Variants in PPP4R1 observed in about 807,000 individuals in gnomAD.
PPP4R1 encodes protein phosphatase 4 regulatory subunit 1, also known as serine/threonine-protein phosphatase 4 regulatory subunit 1.
A neutral mutation model predicts 111.2 loss-of-function variants in PPP4R1; 42 were observed. The ratio of observed to expected loss-of-function variants is 0.38; its 90% CI spans 0.29 to 0.49. PPP4R1 has a LOEUF of 0.49. PPP4R1 is among the 20% of genes least tolerant of loss of function. The probability of loss-of-function intolerance (pLI) is 0.97; values close to 1 mark genes in which losing one functional copy is unlikely to be tolerated. For missense variants in PPP4R1, 1,012 were observed against 1,161.6 expected, an observed-to-expected ratio of 0.87 and a Z score of 1.87; for synonymous variants, 409 against 405.5, an observed-to-expected ratio of 1.01 and a Z score of -0.10.
In PPP4R1 at chr18:9,559,439, T is replaced by C. The variant is rs1472276817; in HGVS notation, c.2008A>G (p.Thr670Ala). Residue 670 changes from threonine (T) to alanine (A), a missense_variant, in exon 14 of 20, where the codon ACT (threonine) becomes GCT (alanine). Coordinates refer to ENST00000400556, the MANE Select transcript of PPP4R1 (RefSeq NM_001042388.3). Reference sequence around the variant, plus strand: ...CTCACCTGCATGTCTGAGGCCAGAGTCTCATACGTCTCTCTCAGGCAGTGC... The same window carrying C: ...CTCACCTGCATGTCTGAGGCCAGAGCCTCATACGTCTCTCTCAGGCAGTGC... ...NWHCLRETYE[T>A]LASDMQWKVR... 6.2e-7 allele frequency: 1 copy of C among 1,611,876 alleles called. No homozygotes were observed. The highest frequency in any genetic ancestry group is 8.5e-7 in the Non-Finnish European group (1 of 1,178,864).
chr18:9,578,551 C>CT lies in PPP4R1; in HGVS notation c.919-1361dup, dbSNP rs1238751136. ...ACTGCTCCTGGCTAGCATTTCTTTT[C>CT]TTTAAAAAAAAAAAAAAAGCATAAT... On this transcript the variant is annotated intron_variant, in intron 9 of 19. Coordinates refer to ENST00000400556, the MANE Select transcript of PPP4R1 (RefSeq NM_001042388.3). 9.9e-5 allele frequency among the ~76,000 whole-genome samples: 14 copies of CT among 141,670 alleles called. No individual in the cohort carries two copies. In the East Asian group the frequency reaches 2.8e-3, roughly 29 times the overall value. The allele number at this position is 141,670 out of a possible 152,430, so 92.9% of individuals were successfully genotyped here. A position where few individuals can be genotyped will look rare whatever the true frequency, so the allele number is the denominator to read the frequency against.
At chr18:9,579,517 C>CGT (rs3974278) in intron 9 of PPP4R1, among the ~76,000 whole-genome samples, 36,910 of 147,576 alleles carry the variant, frequency 0.25, 5,212 homozygotes, top group East Asian at 0.43. Flanking sequence ...AGGATTTACA[C>CGT]GTGTGTGTGT....
At chr18:9,590,547 C>T (rs1247403908) in intron 4 of PPP4R1, among the ~76,000 whole-genome samples, 1 of 152,138 alleles carries the variant, frequency 6.6e-6, no homozygotes, top group Non-Finnish European at 1.5e-5. Flanking sequence ...TTCTTCAAAG[C>T]CCCGCTTAGG....
In PPP4R1 at chr18:9,602,418, C is replaced by T. The variant is rs112388443; in HGVS notation, c.53-7265G>A. Among the ~76,000 whole-genome samples the T allele has an allele frequency of 2.0e-4, 29 of 146,396 alleles. No individual in the cohort carries two copies. In the South Asian group the frequency reaches 3.0e-3, roughly 15 times the overall value. ...AAAATTAGCCGGGCGTGGTGGCGGG[C>T]GCCTGTAGTCCCAGCTACTTGGGAG... On this transcript the variant is annotated intron_variant, in intron 2 of 19. Transcript: ENST00000400556.
At chr18:9,557,768 T>C (rs1197749897) in intron 14 of PPP4R1, among the ~76,000 whole-genome samples, 2 of 151,170 alleles carry the variant, frequency 1.3e-5, no homozygotes, top group Non-Finnish European at 2.9e-5. Flanking sequence ...GTACTGAGGC[T>C]GCACATGGCT....
intron 2 of PPP4R1, among the ~76,000 whole-genome samples, chr18:9,604,849 T>C (rs2067451821): frequency 6.6e-6 from 1 of 152,196 alleles, no homozygotes; most frequent in Admixed American, 6.5e-5. Flanking sequence ...TGGAGGCACA[T>C]TCATTAATAT....
intron 15 of PPP4R1, among the ~76,000 whole-genome samples, chr18:9,555,287 G>A (rs2066553505): frequency 6.6e-6 from 1 of 152,058 alleles, no homozygotes; most frequent in Non-Finnish European, 1.5e-5. Context: ...GGGCAACAGA[G>A]TGAGACCCTG....
In PPP4R1 at chr18:9,553,337, C is replaced by T; in HGVS notation, c.2276G>A (p.Arg759Gln). 6.3e-7 allele frequency: 1 copy of T among 1,592,064 alleles called. No individual in the cohort carries two copies. The highest frequency in any genetic ancestry group is 8.6e-7 in the Non-Finnish European group (1 of 1,160,556). Reference protein sequence around the residue: ...VTDNSRNWRFRAELAEQLILL... With the variant: ...VTDNSRNWRFQAELAEQLILL... ...TAGAACTTACTCAGCCAGTTCAGCTCGAAACCGCCAATTTCTACTATTATC... is the reference window on the plus strand; with the variant it reads ...TAGAACTTACTCAGCCAGTTCAGCTTGAAACCGCCAATTTCTACTATTATC... The change falls in exon 16 of 20, where the codon CGA (arginine) becomes CAA (glutamine). Residue 759 changes from arginine (R) to glutamine (Q), a missense_variant. Physicochemically the swap from Arg to Gln is conservative, Grantham distance 43 (BLOSUM62 1). Transcript: ENST00000400556.
intron 4 of PPP4R1, among the ~76,000 whole-genome samples, chr18:9,592,818 A>G (rs2067234745): frequency 6.6e-6 from 1 of 152,182 alleles, no homozygotes; most frequent in South Asian, 2.1e-4. Flanking sequence ...TATTTAACTT[A>G]AATCAAATTA....
At chr18:9,555,086 T>C (rs545355532) in intron 15 of PPP4R1, among the ~76,000 whole-genome samples, 107 of 152,232 alleles carry the variant, frequency 7.0e-4, no homozygotes, top group African/African-American at 2.6e-3. Flanking sequence ...GCAGATCACT[T>C]GAGCCCAGGA....
chr18:9,557,517 C>G, intron 14 of PPP4R1, 135 bp from the exon 15 acceptor site: 1 of 701,574 alleles, frequency 1.4e-6, no homozygotes, highest in Admixed American at 3.8e-5. Flanking sequence ...CAGATACTAA[C>G]TTTAAATGCC....
rs1372182971 is a variant in PPP4R1, at chr18:9,547,971, T to C, written c.2690-19A>G. On this transcript the variant is annotated intron_variant, in intron 19 of 19. Coordinates refer to ENST00000400556, the MANE Select transcript of PPP4R1 (RefSeq NM_001042388.3). ...AAATAGTCTGGAAATGACATGTGCATAGGACAGATGAAACCAGTCCAACGG... is the reference window on the plus strand; with the variant it reads ...AAATAGTCTGGAAATGACATGTGCACAGGACAGATGAAACCAGTCCAACGG... 4.3e-6 allele frequency: 7 copies of C among 1,612,796 alleles called. No homozygotes were observed. In the African/African-American group the frequency reaches 5.3e-5, roughly 12 times the overall value.
In PPP4R1 at chr18:9,559,461, G is replaced by A. The variant is rs1267092835; in HGVS notation, c.1986C>T (p.His662=). Residue 662 remains histidine, a synonymous_variant, in exon 14 of 20, where the codon CAC becomes CAT. Coordinates refer to ENST00000400556, the MANE Select transcript of PPP4R1 (RefSeq NM_001042388.3). ...GAGTCTCATACGTCTCTCTCAGGCAGTGCCAATTCTGTCTTCCGAGTGTCA... is the reference window on the plus strand; with the variant it reads ...GAGTCTCATACGTCTCTCTCAGGCAATGCCAATTCTGTCTTCCGAGTGTCA... The part of the protein sequence containing the change: ...VALTLGRQNW[H]CLRETYETLA... The A allele has an allele frequency of 1.2e-6, 2 of 1,613,634 alleles. No homozygotes were observed. Among genetic ancestry groups the A allele is most frequent in the Non-Finnish European group, 1.7e-6 (2 of 1,179,798 alleles).
At chr18:9,608,443 G>GT (rs2067521928) in intron 2 of PPP4R1, among the ~76,000 whole-genome samples, 2 of 152,176 alleles carry the variant, frequency 1.3e-5, no homozygotes, top group African/African-American at 4.8e-5. Context: ...AGGCCAGAAA[G>GT]TAAGTTAAGT....
At chr18:9,562,960 C>T (rs1011815214) in intron 12 of PPP4R1, 6 of 996,186 alleles carry the variant, frequency 6.0e-6, no homozygotes, top group African/African-American at 1.7e-5. Context: ...ACTGGCCCTC[C>T]GCAACATGGC....
At chr18:9,555,333 CAGAA>C (rs1010854709) in intron 15 of PPP4R1, among the ~76,000 whole-genome samples, 82 of 151,876 alleles carry the variant, frequency 5.4e-4, no homozygotes, top group African/African-American at 1.7e-3. Context: ...TAAAAAAAAA[CAGAA>C]AGAATTATGA....
Position 9,614,254 on chromosome 18 carries a change from C to A in PPP4R1, c.24G>T (p.Gln8His). The A allele has an allele frequency of 1.5e-6, 2 of 1,356,358 alleles. No individual in the cohort carries two copies. Among genetic ancestry groups the A allele is most frequent in the Non-Finnish European group, 1.9e-6 (2 of 1,041,290 alleles). The allele number at this position is 1,356,358 out of a possible 1,614,324, so 84.0% of individuals were successfully genotyped here. MADLSLL[Q>H]EDLQEDADGF... is the part of the protein sequence containing the mutation. ...CGTCTGCGTCCTCCTGCAGGTCCTCCTGAAGCAGCGAGAGGTCTGCGCCGA... is the reference window on the plus strand; with the variant it reads ...CGTCTGCGTCCTCCTGCAGGTCCTCATGAAGCAGCGAGAGGTCTGCGCCGA... The change falls in exon 2 of 20, where the codon CAG (glutamine) becomes CAT (histidine). Residue 8 changes from glutamine to histidine, a missense_variant. This residue lies in a region of PPP4R1 where 707 missense variants were observed against 742.1 expected (regional missense o/e 0.95). Transcript: ENST00000400556. This position sits in a 1 kb window ranked among gnomAD's most constrained non-coding sequence, Gnocchi z 4.1.
At chr18:9,590,361 TAG>T (rs1247459210) in intron 4 of PPP4R1, among the ~76,000 whole-genome samples, 8 of 152,288 alleles carry the variant, frequency 5.3e-5, no homozygotes, top group African/African-American at 1.2e-4. Flanking sequence ...ATGAACAAAA[TAG>T]AGTGTTTCTG....
intron 9 of PPP4R1, among the ~76,000 whole-genome samples, chr18:9,577,875 C>A (rs1469685136): frequency 6.6e-6 from 1 of 152,014 alleles, no homozygotes; most frequent in Admixed American, 6.5e-5. Flanking sequence ...ATCAATAAAG[C>A]CAACAAAATG....
Sources: gnomAD v4.1 joint callset for allele counts (sites outside exome capture counted in the v4.1 genomes callset) on GRCh38, gnomAD v4.1.1 for gene constraint, gnomAD v4.1.1 regional missense constraint, Gnocchi (gnomAD v3.1) non-coding constraint, MANE v1.5 for transcripts, NCBI Gene and HGNC (gene_info 2026-07-23, HGNC 2026-07-21) for gene names.